Variants in CTNNA3 observed in about 807,000 individuals in gnomAD.
CTNNA3 encodes the protein catenin alpha-3.
In CTNNA3, 76 loss-of-function variants were observed where a neutral mutation model predicts 95.7. The ratio of observed to expected loss-of-function variants is 0.79; its 90% confidence interval spans 0.66 to 0.96. The LOEUF (loss-of-function observed/expected upper bound fraction) is 0.96, where lower values mean the gene tolerates loss of function less well. Among genes scored for constraint, CTNNA3 ranks in the 40% least tolerant of loss-of-function variants. The pLI, the probability that CTNNA3 is intolerant of heterozygous loss-of-function variation, is 0.00. For synonymous variants in CTNNA3, 431 were observed against 374.4 expected (o/e 1.15, Z -1.74); for missense variants, 1,191 against 1,089.8 (o/e 1.09, Z -1.31).
intron 10 of CTNNA3, among the ~76,000 whole-genome samples, chr10:66,537,517 T>C (rs1010552194): frequency 1.3e-5 from 2 of 151,628 alleles, no homozygotes; most frequent in African/African-American, 2.4e-5. Flanking sequence ...ACCATTTCCC[T>C]TGTCACTCAA....
At chr10:67,748,977 A>C (rs1269359326) in intron 1 of CTNNA3, among the ~76,000 whole-genome samples, 1 of 152,178 alleles carries the variant, frequency 6.6e-6, no homozygotes, top group Admixed American at 6.6e-5. Context: ...AAGCAAATGG[A>C]AAGTGAAACA....
At chr10:67,040,439 C>A (rs973460177) in intron 7 of CTNNA3, among the ~76,000 whole-genome samples, 12 of 152,022 alleles carry the variant, frequency 7.9e-5, no homozygotes, top group Admixed American at 1.3e-4. Context: ...TGCAAAGTAT[C>A]CAATTTGTCA....
intron 5 of CTNNA3, among the ~76,000 whole-genome samples, chr10:67,478,247 C>T (rs957692659): frequency 2.0e-5 from 3 of 152,078 alleles, no homozygotes; most frequent in Admixed American, 2.0e-4. Flanking sequence ...AGTAAACAAC[C>T]TGGAAAGCAT....
chr10:67,133,378 T>TAC lies in CTNNA3; in HGVS notation c.1047+46937_1047+46938dup, dbSNP rs71006130. On this transcript the variant is annotated intron_variant, in intron 7 of 17. Coordinates refer to ENST00000433211, the MANE Select transcript of CTNNA3 (RefSeq NM_013266.4). ...ACATACATACATACATATATATATA[T>TAC]ACACACACACACACACACACACACA... 3.4e-3 allele frequency among the ~76,000 whole-genome samples: 450 copies of TAC among 133,888 alleles called. 12 individuals are homozygous for TAC. In the East Asian group the frequency reaches 0.044, roughly 13 times the overall value. 87.8% of individuals were successfully genotyped at this position (133,888 alleles called of 152,430 possible).
chr10:66,325,130 A>G (rs1410402756), intron 12 of CTNNA3, among the ~76,000 whole-genome samples: 1 of 151,972 alleles, frequency 6.6e-6, no homozygotes, highest in East Asian at 1.9e-4. Context: ...AGCAAACATT[A>G]AAATAAGAAT....
chr10:66,983,662 T>C (rs2132893806), intron 7 of CTNNA3, among the ~76,000 whole-genome samples: 2 of 152,288 alleles, frequency 1.3e-5, no homozygotes, highest in South Asian at 4.1e-4. Context: ...TGCCAACAGC[T>C]TCAGAAATGA....
chr10:67,732,474 C>G (rs1016027662), intron 1 of CTNNA3, among the ~76,000 whole-genome samples: 2 of 152,156 alleles, frequency 1.3e-5, no homozygotes, highest in Admixed American at 1.3e-4. Flanking sequence ...TAATTTCACC[C>G]AAGTTGAGAA....
At chr10:66,223,374 A>G (rs1298431503) in intron 13 of CTNNA3, among the ~76,000 whole-genome samples, 1 of 152,174 alleles carries the variant, frequency 6.6e-6, no homozygotes, top group African/African-American at 2.4e-5. Context: ...AGACCAAAAC[A>G]TGTTATTGAA....
At chr10:66,851,871 A>T (rs1564724033) in intron 7 of CTNNA3, among the ~76,000 whole-genome samples, 1 of 152,112 alleles carries the variant, frequency 6.6e-6, no homozygotes, top group Non-Finnish European at 1.5e-5. Flanking sequence ...CTAATACACC[A>T]ATTAATGAGT....
chr10:66,125,308 T>C (rs1390429039), intron 13 of CTNNA3, among the ~76,000 whole-genome samples: 1 of 152,140 alleles, frequency 6.6e-6, no homozygotes, highest in Non-Finnish European at 1.5e-5. Context: ...ATTAAATGAA[T>C]GATAGCAATA....
chr10:66,223,845 T>G (rs2089111524), intron 13 of CTNNA3, among the ~76,000 whole-genome samples: 1 of 150,462 alleles, frequency 6.6e-6, no homozygotes, highest in African/African-American at 2.4e-5. Context: ...GTTACGTAGC[T>G]TACCCTTCAC....
chr10:67,402,512 T>C (rs1358590450), intron 5 of CTNNA3, among the ~76,000 whole-genome samples: 1 of 152,118 alleles, frequency 6.6e-6, no homozygotes, highest in African/African-American at 2.4e-5. Flanking sequence ...TACAGCACCT[T>C]CAACTGAAAT....
chr10:66,594,001 A>C (rs1843632818), intron 10 of CTNNA3, among the ~76,000 whole-genome samples: 1 of 152,070 alleles, frequency 6.6e-6, no homozygotes, highest in African/African-American at 2.4e-5. Flanking sequence ...TTTCCTGCCT[A>C]AAGTTCTTCT....
rs146808567 is a variant in CTNNA3 at position 66,887,894 on chromosome 10, G to A, written c.1048-112370C>T. ...CTCTCCCTGGAGGCTGGAGTTCAAGGTTACGTGAGATGTGTGCTAGGCAGA... is the reference window on the plus strand; with the variant it reads ...CTCTCCCTGGAGGCTGGAGTTCAAGATTACGTGAGATGTGTGCTAGGCAGA... On this transcript the variant is annotated intron_variant, in intron 7 of 17. Transcript: ENST00000433211. 1.8e-4 allele frequency among the ~76,000 whole-genome samples: 27 copies of A among 152,262 alleles called. No individual in the cohort carries two copies. In the East Asian group the frequency reaches 4.1e-3, roughly 23 times the overall value.
chr10:66,899,895 C>T (rs902265432), intron 7 of CTNNA3, among the ~76,000 whole-genome samples: 2 of 152,124 alleles, frequency 1.3e-5, no homozygotes, highest in Admixed American at 6.5e-5. Context: ...GGCCTACTGC[C>T]TCTATAGACT....
chr10:67,238,788 A>G (rs1164340863), intron 5 of CTNNA3, among the ~76,000 whole-genome samples: 1 of 152,152 alleles, frequency 6.6e-6, no homozygotes, highest in Non-Finnish European at 1.5e-5. Flanking sequence ...AATAAATTAT[A>G]TCTGTTCATA....
chr10:67,224,683 T>A (rs1184337394), intron 5 of CTNNA3, among the ~76,000 whole-genome samples: 2 of 151,310 alleles, frequency 1.3e-5, no homozygotes, highest in Non-Finnish European at 2.9e-5. Flanking sequence ...CAAAAAAAAA[T>A]ATAGAGAGGA....
chr10:66,645,429 G>T lies in CTNNA3; in HGVS notation c.1282-23645C>A, dbSNP rs1194125639. ...TTCGGAACTCATTTTGCTGCCTATA[G>T]GTGTCAAATTGCTCCAACACCATTT... On this transcript the variant is annotated intron_variant, in intron 9 of 17. Coordinates refer to ENST00000433211, the MANE Select transcript of CTNNA3 (RefSeq NM_013266.4). 2.0e-5 allele frequency among the ~76,000 whole-genome samples: 3 copies of T among 152,072 alleles called. 1 individual carries two copies. The highest frequency in any genetic ancestry group is 4.4e-5 in the Non-Finnish European group (3 of 68,012).
At chr10:67,637,338 A>G (rs978135597) in intron 2 of CTNNA3, among the ~76,000 whole-genome samples, 3 of 152,176 alleles carry the variant, frequency 2.0e-5, no homozygotes, top group Non-Finnish European at 4.4e-5. Context: ...GAAATGAACA[A>G]AGCCTCCAAG....
Sources: allele counts gnomAD v4.1 joint callset (sites outside exome capture counted in the v4.1 genomes callset), GRCh38; gene constraint gnomAD v4.1.1; transcripts MANE v1.5; gene names NCBI Gene and HGNC (gene_info 2026-07-23, HGNC 2026-07-21).